KCND2: variants seen among roughly 807,000 people sequenced by gnomAD.
KCND2 encodes the protein potassium voltage-gated channel subfamily D member 2, also known as A-type voltage-gated potassium channel KCND2.
In KCND2, 16 loss-of-function variants were observed where a neutral mutation model predicts 54.4. The observed-to-expected ratio is 0.29, with a 90% CI of 0.20 to 0.45. The LOEUF (loss-of-function observed/expected upper bound fraction) is 0.45, where lower values mean the gene tolerates loss of function less well. Among genes scored for constraint, KCND2 ranks in the 20% least tolerant of loss-of-function variants. The probability of loss-of-function intolerance (pLI) is 1.00; values close to 1 mark genes in which losing one functional copy is unlikely to be tolerated. For synonymous variants in KCND2, 317 were observed against 310.7 expected (o/e 1.02, Z -0.21); for missense variants, 486 against 824.2 (o/e 0.59, Z 5.02).
At chr7:120,343,887 T>C (rs1800275953) in intron 1 of KCND2, among the ~76,000 whole-genome samples, 1 of 152,014 alleles carries the variant, frequency 6.6e-6, no homozygotes, top group Non-Finnish European at 1.5e-5. Context: ...GCCTTTATGC[T>C]TATTGCCATG....
At chr7:120,327,376 G>A (rs1186079196) in intron 1 of KCND2, among the ~76,000 whole-genome samples, 2 of 152,072 alleles carry the variant, frequency 1.3e-5, no homozygotes, top group Admixed American at 1.3e-4. Flanking sequence ...GTTTGTAAAT[G>A]TTTTTATCTC....
intron 1 of KCND2, among the ~76,000 whole-genome samples, chr7:120,552,967 A>C (rs150429257): frequency 6.1e-4 from 93 of 152,352 alleles, no homozygotes; most frequent in Admixed American, 3.7e-3. Context: ...ATGTTTTGCT[A>C]TACATATACA....
intron 1 of KCND2, among the ~76,000 whole-genome samples, chr7:120,335,355 C>CAAA (rs35404512): frequency 6.5e-4 from 38 of 58,336 alleles, no homozygotes; most frequent in African/African-American, 1.0e-3. Context: ...AAGACTCTAT[C>CAAA]AAAAAAAAAA....
intron 1 of KCND2, among the ~76,000 whole-genome samples, chr7:120,431,327 G>A (rs752198118): frequency 2.6e-5 from 4 of 152,094 alleles, no homozygotes; most frequent in South Asian, 2.1e-4. Context: ...ATGCCTTAAC[G>A]TAGCCTATGG....
intron 1 of KCND2, among the ~76,000 whole-genome samples, chr7:120,362,585 A>G (rs866432788): frequency 2.8e-4 from 42 of 152,218 alleles, no homozygotes; most frequent in African/African-American, 9.6e-4. Flanking sequence ...GAGAGGCAGC[A>G]TGCTCTAACA....
chr7:120,287,982 T>A (rs1007999853), intron 1 of KCND2, among the ~76,000 whole-genome samples: 1 of 152,166 alleles, frequency 6.6e-6, no homozygotes, highest in African/African-American at 2.4e-5. Context: ...AAGCCATATC[T>A]TATCACGTGC....
At chr7:120,444,003 T>C (rs1292772700) in intron 1 of KCND2, among the ~76,000 whole-genome samples, 1 of 152,120 alleles carries the variant, frequency 6.6e-6, no homozygotes, top group African/African-American at 2.4e-5. Flanking sequence ...CATTCCTTGC[T>C]CCTGCTGTTT....
At chr7:120,593,273 CTTCA>C (rs938998912) in intron 1 of KCND2, among the ~76,000 whole-genome samples, 3 of 152,088 alleles carry the variant, frequency 2.0e-5, no homozygotes, top group Non-Finnish European at 4.4e-5. Flanking sequence ...TAATTTATCT[CTTCA>C]TTGTTTCTAA....
At chr7:120,569,428 T>C (rs903283933) in intron 1 of KCND2, among the ~76,000 whole-genome samples, 1 of 152,148 alleles carries the variant, frequency 6.6e-6, no homozygotes, top group Non-Finnish European at 1.5e-5. Context: ...TTGTCTTATT[T>C]TGGAGGATTT....
intron 1 of KCND2, among the ~76,000 whole-genome samples, chr7:120,521,537 G>A (rs1371507936): frequency 6.6e-6 from 1 of 151,944 alleles, no homozygotes; most frequent in African/African-American, 2.4e-5. Flanking sequence ...ATTCAGCAAA[G>A]GTGTCGATAA....
intron 1 of KCND2, among the ~76,000 whole-genome samples, chr7:120,375,877 A>T (rs1584752887): frequency 6.6e-6 from 1 of 151,774 alleles, no homozygotes; most frequent in Non-Finnish European, 1.5e-5. Context: ...TCAAAATAAG[A>T]TATGTAGGGC....
intron 1 of KCND2, among the ~76,000 whole-genome samples, chr7:120,461,429 T>TA (rs1802282357): frequency 6.6e-6 from 1 of 152,184 alleles, no homozygotes; most frequent in African/African-American, 2.4e-5. Flanking sequence ...GTATTTCAGA[T>TA]ATTTTTCCCT....
chr7:120,605,514 T>A (rs1385201876), intron 1 of KCND2, among the ~76,000 whole-genome samples: 1 of 152,204 alleles, frequency 6.6e-6, no homozygotes, highest in East Asian at 1.9e-4. Flanking sequence ...TATGATAAAT[T>A]CTGCTTTTGA....
intron 1 of KCND2, among the ~76,000 whole-genome samples, chr7:120,312,397 A>G (rs1799748530): frequency 6.6e-6 from 1 of 151,968 alleles, no homozygotes; most frequent in Non-Finnish European, 1.5e-5. Context: ...CTTTGAGTAT[A>G]TACCCAGTAA....
chr7:120,664,301 C>A (rs905866354), intron 1 of KCND2, among the ~76,000 whole-genome samples: 1 of 152,034 alleles, frequency 6.6e-6, no homozygotes, highest in Non-Finnish European at 1.5e-5. Flanking sequence ...TATAAACCAA[C>A]CATCAGCAGC....
intron 1 of KCND2, among the ~76,000 whole-genome samples, chr7:120,601,859 C>T (rs1240256483): frequency 6.6e-6 from 1 of 152,182 alleles, no homozygotes; most frequent in South Asian, 2.1e-4. Flanking sequence ...ATAACCCTTT[C>T]TCACCTAGCT....
intron 1 of KCND2, among the ~76,000 whole-genome samples, chr7:120,508,890 G>A (rs200789926): frequency 2.5e-4 from 26 of 103,490 alleles, no homozygotes; most frequent in African/African-American, 2.3e-3. Context: ...TGCCTTTCAC[G>A]ATTTTTTTTT....
chr7:120,549,719 A>G (rs111486680), intron 1 of KCND2, among the ~76,000 whole-genome samples: 9 of 152,272 alleles, frequency 5.9e-5, no homozygotes, highest in African/African-American at 1.9e-4. Context: ...GCTGAGTTTT[A>G]AATGTAATGT....
At chr7:120,636,666 T>A (rs1793308212) in intron 1 of KCND2, among the ~76,000 whole-genome samples, 2 of 152,116 alleles carry the variant, frequency 1.3e-5, no homozygotes, top group Admixed American at 6.6e-5. Context: ...CCTATATAAG[T>A]GGATGAATCT....
Sources: allele counts gnomAD v4.1 joint callset (sites outside exome capture counted in the v4.1 genomes callset), GRCh38; gene constraint gnomAD v4.1.1; transcripts MANE v1.5; gene names NCBI Gene and HGNC (gene_info 2026-07-23, HGNC 2026-07-21).